GRIK2: variants seen among roughly 807,000 people sequenced by gnomAD.
GRIK2 encodes the protein glutamate ionotropic receptor kainate type subunit 2.
In GRIK2, 32 loss-of-function variants were observed where a neutral mutation model predicts 100.3. That is an observed-to-expected ratio of 0.32 (90% CI 0.24 to 0.43). The LOEUF (loss-of-function observed/expected upper bound fraction) is 0.43, where lower values mean the gene tolerates loss of function less well. Ranked by LOEUF, GRIK2 falls within the 20% of genes least tolerant of loss-of-function variation. The pLI is 1.00. For missense variants in GRIK2, 843 were observed against 1,114.9 expected (o/e 0.76, Z 3.47); for synonymous variants, 417 against 389.4 (o/e 1.07, Z -0.83).
At chr6:101,760,748 A>T (rs1583094265) in intron 7 of GRIK2, among the ~76,000 whole-genome samples, 1 of 132,738 alleles carries the variant, frequency 7.5e-6, no homozygotes, top group African/African-American at 2.8e-5. Context: ...ATATTTAATT[A>T]TATATAATTA....
Position 101,928,572 on chromosome 6 carries a change from T to G in GRIK2, c.2025T>G (p.Ala675=), listed in dbSNP as rs1225063408. The G allele has an allele frequency of 6.2e-7, 1 of 1,609,292 alleles. No individual in the cohort carries two copies. The highest frequency in any genetic ancestry group is 8.5e-7 in the Non-Finnish European group (1 of 1,175,634). ...CTATTGACTCTGCTGATGATTTAGC[T>G]AAACAAACCAAGATAGAATATGGAG... The part of the protein sequence containing the change: ...ESPIDSADDL[A]KQTKIEYGAV... The change falls in exon 14 of 17, where the codon GCT becomes GCG. Residue 675 remains alanine, a synonymous_variant. Coordinates refer to ENST00000369134, the MANE Select transcript of GRIK2 (RefSeq NM_021956.5).
chr6:101,970,972 G>A (rs1793011517), intron 14 of GRIK2, among the ~76,000 whole-genome samples: 1 of 145,994 alleles, frequency 6.8e-6, no homozygotes, highest in Non-Finnish European at 1.5e-5. Context: ...CAGAAGCTCA[G>A]CATTATTTTG....
intron 14 of GRIK2, among the ~76,000 whole-genome samples, chr6:101,948,865 G>T (rs1276627413): frequency 1.3e-5 from 2 of 152,102 alleles, no homozygotes; most frequent in Admixed American, 6.6e-5. Flanking sequence ...TTGCCAATAT[G>T]AGGCAAACTC....
intron 4 of GRIK2, among the ~76,000 whole-genome samples, chr6:101,675,457 A>G (rs540175290): frequency 6.6e-6 from 1 of 152,330 alleles, no homozygotes; most frequent in South Asian, 2.1e-4. Context: ...ACTAGTATAG[A>G]GATGAGATTT....
rs143025533 is a variant in GRIK2, at chr6:101,695,800, C to T, written c.951+9447C>T. On this transcript the variant is annotated intron_variant, in intron 7 of 16. Coordinates refer to ENST00000369134, the MANE Select transcript of GRIK2 (RefSeq NM_021956.5). ...ACCTTAAACATGTTCAGAATACTTACATTAAGTAAGTATTACTTACCTACA... is the reference window on the plus strand; with the variant it reads ...ACCTTAAACATGTTCAGAATACTTATATTAAGTAAGTATTACTTACCTACA... 2.4e-3 allele frequency among the ~76,000 whole-genome samples: 359 copies of T among 152,148 alleles called. 1 individual carries two copies. Among genetic ancestry groups the T allele is most frequent in the African/African-American group, 8.4e-3 (347 of 41,522 alleles).
chr6:101,918,450 C>T (rs1789263194), intron 12 of GRIK2, among the ~76,000 whole-genome samples: 1 of 151,288 alleles, frequency 6.6e-6, no homozygotes. Context: ...GTAATGTATT[C>T]CCTCAATGAG....
At chr6:101,581,633 T>C (rs541565) in intron 2 of GRIK2, among the ~76,000 whole-genome samples, 55,634 of 151,920 alleles carry the variant, frequency 0.37, 11,350 homozygotes, top group African/African-American at 0.56. Flanking sequence ...ACAACACTAG[T>C]GTAAGTGCTG....
At chr6:101,481,114 C>T (rs945149437) in intron 2 of GRIK2, among the ~76,000 whole-genome samples, 3 of 152,180 alleles carry the variant, frequency 2.0e-5, no homozygotes, top group Admixed American at 6.5e-5. Flanking sequence ...CTTGGTGACA[C>T]ACTGACATTG....
intron 7 of GRIK2, among the ~76,000 whole-genome samples, chr6:101,701,171 G>A (rs186552991): frequency 2.6e-4 from 39 of 152,202 alleles, no homozygotes; most frequent in African/African-American, 9.4e-4. Flanking sequence ...AAAAATTTCA[G>A]ACTTTTGGGA....
chr6:101,545,114 C>T (rs922702058), intron 2 of GRIK2, among the ~76,000 whole-genome samples: 1 of 152,090 alleles, frequency 6.6e-6, no homozygotes, highest in African/African-American at 2.4e-5. Flanking sequence ...TTAAGGACAC[C>T]TCCTCAAATT....
intron 7 of GRIK2, among the ~76,000 whole-genome samples, chr6:101,794,004 C>G (rs1386915687): frequency 6.6e-6 from 1 of 152,166 alleles, no homozygotes; most frequent in Admixed American, 6.5e-5. Context: ...GGGCGTAGGA[C>G]CCTCCGAGCC....
chr6:101,631,660 TTTTC>T (rs1202660641), intron 4 of GRIK2, among the ~76,000 whole-genome samples: 1 of 152,160 alleles, frequency 6.6e-6, no homozygotes, highest in African/African-American at 2.4e-5. Flanking sequence ...TCCTTGATTC[TTTTC>T]TTTTTTTGGC....
intron 15 of GRIK2, among the ~76,000 whole-genome samples, chr6:102,047,766 A>T (rs1184934430): frequency 6.6e-6 from 1 of 151,952 alleles, no homozygotes; most frequent in Non-Finnish European, 1.5e-5. Context: ...AAAGAAAAAA[A>T]AAATATTTCT....
Position 101,721,475 on chromosome 6 carries a change from C to T in GRIK2, c.951+35122C>T, listed in dbSNP as rs927093582. ...TTGGGAGGCTGAGATGGGAGGATCA[C>T]CTGAGCCCAGGGAGGTAGAGGCTAC... On this transcript the variant is annotated intron_variant, in intron 7 of 16. Transcript: ENST00000369134. Among the ~76,000 whole-genome samples the T allele has an allele frequency of 3.9e-5, 6 of 152,000 alleles. No individual in the cohort carries two copies. In the East Asian group the frequency reaches 1.2e-3, roughly 30 times the overall value.
At position 101,700,473 on chromosome 6, in the gene GRIK2, G is replaced by T. The variant is rs191520465; in HGVS notation, c.951+14120G>T. Among the ~76,000 whole-genome samples the T allele has an allele frequency of 1.5e-3, 221 of 152,152 alleles. 2 individuals are homozygous for T. Among genetic ancestry groups the T allele is most frequent in the African/African-American group, 5.2e-3 (216 of 41,554 alleles). On this transcript the variant is annotated intron_variant, in intron 7 of 16. Transcript: ENST00000369134. ...AAAGCCATTAAAGATGTTAGAACAG[G>T]AGAGTGCAATAAAAGTAATATCATT... is the stretch of plus-strand genomic sequence containing the variant.
Position 101,951,664 on chromosome 6 carries a change from G to T in GRIK2, c.2085+23032G>T, listed in dbSNP as rs553053130. Among the ~76,000 whole-genome samples the T allele has an allele frequency of 1.2e-4, 19 of 152,270 alleles. No individual in the cohort carries two copies. The South Asian group carries it at 3.7e-3, about 30-fold the overall frequency. ...AGTGGCAAGTAATTGAATCATGTGGGCAGATTTTTCCCATGCTGTTCTGGT... is the reference window on the plus strand; with the variant it reads ...AGTGGCAAGTAATTGAATCATGTGGTCAGATTTTTCCCATGCTGTTCTGGT... On this transcript the variant is annotated intron_variant, in intron 14 of 16. Transcript: ENST00000369134.
intron 7 of GRIK2, among the ~76,000 whole-genome samples, chr6:101,712,789 A>T (rs112308465): frequency 6.6e-6 from 1 of 151,942 alleles, no homozygotes; most frequent in Non-Finnish European, 1.5e-5. Flanking sequence ...AATACTGTTT[A>T]GATCTTATTT....
chr6:101,783,423 A>G (rs1180433475), intron 7 of GRIK2, among the ~76,000 whole-genome samples: 1 of 152,106 alleles, frequency 6.6e-6, no homozygotes, highest in East Asian at 1.9e-4. Context: ...CGGAACTGTG[A>G]GTCAATTAAA....
At chr6:101,845,263 G>C (rs1783742773) in intron 10 of GRIK2, among the ~76,000 whole-genome samples, 1 of 152,114 alleles carries the variant, frequency 6.6e-6, no homozygotes, top group Non-Finnish European at 1.5e-5. Context: ...TCCCTGCATA[G>C]CATCCCAAAG....
Sources: allele counts gnomAD v4.1 joint callset (sites outside exome capture counted in the v4.1 genomes callset), GRCh38; gene constraint gnomAD v4.1.1; transcripts MANE v1.5; gene names NCBI Gene and HGNC (gene_info 2026-07-23, HGNC 2026-07-21).